Variants in PLEKHM3 observed in about 807,000 individuals in gnomAD.
The protein encoded by PLEKHM3 is pleckstrin homology domain containing M3.
A neutral mutation model predicts 81.8 loss-of-function variants in PLEKHM3; 45 were observed. The ratio of observed to expected loss-of-function variants is 0.55; its 90% CI spans 0.43 to 0.71. The LOEUF (loss-of-function observed/expected upper bound fraction) is 0.71. Ranked by LOEUF, PLEKHM3 falls within the 30% of genes least tolerant of loss-of-function variation. The pLI is 0.00. For missense variants in PLEKHM3, 788 were observed against 924.3 expected, an observed-to-expected ratio of 0.85 and a Z score of 1.91; for synonymous variants, 352 against 356.4, an observed-to-expected ratio of 0.99 and a Z score of 0.14.
chr2:207,888,378 CTT>C (rs1416416227), intron 6 of PLEKHM3, among the ~76,000 whole-genome samples: 1 of 149,330 alleles, frequency 6.7e-6, no homozygotes, highest in Non-Finnish European at 1.5e-5. Flanking sequence ...CACACACACA[CTT>C]GGATAATTCC....
intron 3 of PLEKHM3, among the ~76,000 whole-genome samples, chr2:207,954,302 G>A (rs753454202): frequency 4.6e-5 from 7 of 152,138 alleles, no homozygotes; most frequent in Non-Finnish European, 7.3e-5. Context: ...GGTTCAATGA[G>A]CTATTATTGT....
intron 2 of PLEKHM3, 74 bp from the exon 3 acceptor site, chr2:207,977,660 T>A: frequency 3.0e-6 from 4 of 1,329,876 alleles, no homozygotes; most frequent in Non-Finnish European, 1.0e-6. Context: ...ACCACACAGA[T>A]CAGGGCACAA....
intron 7 of PLEKHM3, among the ~76,000 whole-genome samples, chr2:207,832,981 G>A (rs567748384): frequency 7.2e-5 from 11 of 151,800 alleles, no homozygotes; most frequent in Non-Finnish European, 1.5e-4. Flanking sequence ...GCGTGGTGGC[G>A]TGTGCCTGTA....
At chr2:207,937,999 G>T (rs1413794293) in intron 4 of PLEKHM3, among the ~76,000 whole-genome samples, 1 of 152,184 alleles carries the variant, frequency 6.6e-6, no homozygotes, top group South Asian at 2.1e-4. Context: ...AGCTCCACAA[G>T]GGCAGTAGAG....
rs950859081 is a variant in PLEKHM3 at position 208,001,495 on chromosome 2, C to T, written c.145G>A (p.Glu49Lys). 4 of 1,614,086 alleles carry T rather than the reference C, an allele frequency of 2.5e-6. No homozygotes were observed. The highest frequency in any genetic ancestry group is 3.4e-6 in the Non-Finnish European group (4 of 1,180,036). ...IQEVPELVGHEVLSNITDNGA... is the reference protein window; with the variant it reads ...IQEVPELVGHKVLSNITDNGA... Reference sequence around the variant, plus strand: ...TTGTCTGTTATGTTACTGAGTACCTCATGCCCCACCAGTTCAGGGACTTCC... The same window carrying T: ...TTGTCTGTTATGTTACTGAGTACCTTATGCCCCACCAGTTCAGGGACTTCC... Residue 49 changes from glutamate (E) to lysine (K), a missense_variant, in exon 2 of 8, where the codon GAG (glutamate) becomes AAG (lysine). Transcript: ENST00000427836.
intron 6 of PLEKHM3, among the ~76,000 whole-genome samples, chr2:207,889,736 C>T (rs1195427217): frequency 1.3e-5 from 2 of 152,092 alleles, no homozygotes; most frequent in Non-Finnish European, 2.9e-5. Flanking sequence ...ATTTCCAATG[C>T]CATTCCTGGG....
intron 7 of PLEKHM3, among the ~76,000 whole-genome samples, chr2:207,853,688 C>A (rs2092424299): frequency 6.6e-6 from 1 of 152,066 alleles, no homozygotes; most frequent in South Asian, 2.1e-4. Context: ...GAGCCGAGAT[C>A]ATGCCACTGC....
chr2:208,017,114 AT>A (rs960603633), intron 1 of PLEKHM3, among the ~76,000 whole-genome samples: 16 of 151,832 alleles, frequency 1.1e-4, no homozygotes, highest in African/African-American at 3.6e-4. Context: ...ACTCTGTGGA[AT>A]TTTTTTTTCC....
At chr2:207,922,567 C>A (rs1689219335) in intron 5 of PLEKHM3, among the ~76,000 whole-genome samples, 1 of 152,076 alleles carries the variant, frequency 6.6e-6, no homozygotes, top group Non-Finnish European at 1.5e-5. Context: ...AATCCCAGCA[C>A]TTTGGGAGGC....
intron 2 of PLEKHM3, among the ~76,000 whole-genome samples, chr2:208,000,728 A>G (rs1386406316): frequency 6.6e-6 from 1 of 152,246 alleles, no homozygotes; most frequent in Non-Finnish European, 1.5e-5. Context: ...GTATGAGAGT[A>G]TTCCGATTCT....
chr2:208,016,361 C>T (rs1057163269), intron 1 of PLEKHM3, among the ~76,000 whole-genome samples: 1 of 151,986 alleles, frequency 6.6e-6, no homozygotes, highest in African/African-American at 2.4e-5. Context: ...AGATGATATG[C>T]TGGCTAGGTG....
At chr2:207,880,810 A>C (rs60951353) in intron 6 of PLEKHM3, among the ~76,000 whole-genome samples, 3,152 of 143,866 alleles carry the variant, frequency 0.022, 178 homozygotes, top group African/African-American at 0.077. Context: ...AACAAACAAA[A>C]AAAAACAAAA....
chr2:207,900,316 C>T (rs989809242), intron 6 of PLEKHM3: 3 of 152,200 alleles, frequency 2.0e-5, no homozygotes, highest in Non-Finnish European at 4.4e-5. Flanking sequence ...GACTTCCTTA[C>T]AACATGGCCA....
At chr2:207,974,542 C>T (rs1202571430) in intron 3 of PLEKHM3, among the ~76,000 whole-genome samples, 1 of 152,176 alleles carries the variant, frequency 6.6e-6, no homozygotes, top group African/African-American at 2.4e-5. Context: ...AGCTGTTCTT[C>T]CTTACTCCAA....
At chr2:208,017,882 G>A (rs1235034902) in intron 1 of PLEKHM3, among the ~76,000 whole-genome samples, 4 of 152,174 alleles carry the variant, frequency 2.6e-5, no homozygotes, top group Non-Finnish European at 5.9e-5. Flanking sequence ...ATTCACAGAT[G>A]CTCTCTCCTG....
intron 6 of PLEKHM3, among the ~76,000 whole-genome samples, chr2:207,884,908 A>C (rs1233672431): frequency 6.6e-6 from 1 of 152,164 alleles, no homozygotes. Flanking sequence ...TGGATCATGA[A>C]AGACTCCATA....
At chr2:208,017,197 T>C (rs1420209896) in intron 1 of PLEKHM3, among the ~76,000 whole-genome samples, 1 of 152,204 alleles carries the variant, frequency 6.6e-6, no homozygotes, top group African/African-American at 2.4e-5. Context: ...CAACTGTAAT[T>C]GTCTGTGATG....
intron 4 of PLEKHM3, among the ~76,000 whole-genome samples, chr2:207,939,813 G>A (rs1451632764): frequency 6.6e-6 from 1 of 152,204 alleles, no homozygotes; most frequent in Non-Finnish European, 1.5e-5. Context: ...CTTCATGTAA[G>A]TGATACTGAG....
rs915313307 is a variant in PLEKHM3 at position 207,827,191 on chromosome 2, C to T, written c.*1128G>A. The T allele has an allele frequency of 1.3e-5, 2 of 151,712 alleles. No homozygotes were observed. The highest frequency in any genetic ancestry group is 4.8e-5 in the African/African-American group (2 of 41,276). 9.4% of individuals were successfully genotyped at this position (151,712 alleles called of 1,614,324 possible). ...GTCCAAAGTTGGTATTTTGAAGTTC[C>T]ACATTACTCTGATTTTTTAAACAAA... On this transcript the variant is annotated 3_prime_UTR_variant, in exon 8 of 8. Coordinates refer to ENST00000427836, the MANE Select transcript of PLEKHM3 (RefSeq NM_001080475.3).
Sources: gnomAD v4.1 joint callset for allele counts (sites outside exome capture counted in the v4.1 genomes callset) on GRCh38, gnomAD v4.1.1 for gene constraint, MANE v1.5 for transcripts, NCBI Gene and HGNC (gene_info 2026-07-23, HGNC 2026-07-21) for gene names.